TAFA1: variants seen among roughly 807,000 people sequenced by gnomAD.
The protein encoded by TAFA1 is TAFA chemokine like family member 1, also known as chemokine-like protein TAFA-1.
In TAFA1, 4 loss-of-function variants were observed where a neutral mutation model predicts 18.5. The observed-to-expected ratio is 0.22, with a 90% CI of 0.11 to 0.49. The LOEUF (loss-of-function observed/expected upper bound fraction) is 0.49, where lower values mean the gene tolerates loss of function less well. Among genes scored for constraint, TAFA1 ranks in the 20% least tolerant of loss-of-function variants. The probability of loss-of-function intolerance (pLI) is 0.98; values close to 1 mark genes in which losing one functional copy is unlikely to be tolerated. For missense variants in TAFA1, 147 were observed against 169.0 expected, an observed-to-expected ratio of 0.87 and a Z score of 0.72; for synonymous variants, 56 against 55.2, an observed-to-expected ratio of 1.01 and a Z score of -0.06.
intron 2 of TAFA1, among the ~76,000 whole-genome samples, chr3:68,288,134 G>A (rs1366694151): frequency 6.6e-6 from 1 of 152,060 alleles, no homozygotes; most frequent in Non-Finnish European, 1.5e-5. Context: ...TTTCATGGCT[G>A]AGAGTTCACG....
intron 2 of TAFA1, among the ~76,000 whole-genome samples, chr3:68,148,783 A>G (rs567692449): frequency 6.6e-6 from 1 of 152,332 alleles, no homozygotes; most frequent in African/African-American, 2.4e-5. Context: ...AAGGCACAGG[A>G]CATCCCTTTA....
chr3:68,380,957 G>A (rs968066559), intron 2 of TAFA1, among the ~76,000 whole-genome samples: 1 of 149,902 alleles, frequency 6.7e-6, no homozygotes, highest in African/African-American at 2.5e-5. Flanking sequence ...TAAGGTGTAA[G>A]GAAGGGATCC....
chr3:68,120,651 G>A (rs1254544767), intron 2 of TAFA1, among the ~76,000 whole-genome samples: 4 of 152,068 alleles, frequency 2.6e-5, no homozygotes, highest in African/African-American at 9.7e-5. Flanking sequence ...TAAAGAAAAG[G>A]GCCACATGAA....
At chr3:68,364,401 G>C (rs1225060986) in intron 2 of TAFA1, among the ~76,000 whole-genome samples, 1 of 152,086 alleles carries the variant, frequency 6.6e-6, no homozygotes, top group Admixed American at 6.5e-5. Flanking sequence ...CTTGGATACT[G>C]TGTTTGATTC....
chr3:68,246,818 T>C (rs2067090441), intron 2 of TAFA1: 1 of 152,032 alleles, frequency 6.6e-6, no homozygotes, highest in African/African-American at 2.4e-5. Context: ...TGCCAGGATT[T>C]AAGACACTTT....
chr3:68,154,057 A>G (rs1264903133), intron 2 of TAFA1, among the ~76,000 whole-genome samples: 1 of 152,164 alleles, frequency 6.6e-6, no homozygotes, highest in Non-Finnish European at 1.5e-5. Context: ...TAGTGGTTTA[A>G]TAGCAAATTA....
chr3:68,224,809 T>G (rs548509236), intron 2 of TAFA1, among the ~76,000 whole-genome samples: 1 of 151,670 alleles, frequency 6.6e-6, no homozygotes, highest in Non-Finnish European at 1.5e-5. Flanking sequence ...AGACTTTTAG[T>G]TGGGGAGGGG....
At chr3:68,239,846 T>C (rs2066974504) in intron 2 of TAFA1, among the ~76,000 whole-genome samples, 1 of 152,178 alleles carries the variant, frequency 6.6e-6, no homozygotes. Context: ...TTGACACATT[T>C]ATAGATGAGA....
chr3:68,052,702 T>C (rs1009350649), intron 2 of TAFA1, among the ~76,000 whole-genome samples: 1 of 152,236 alleles, frequency 6.6e-6, no homozygotes, highest in African/African-American at 2.4e-5. Flanking sequence ...GTTTCCATTA[T>C]GTGCCTGGCA....
At chr3:68,010,527 G>T (rs571932567) in intron 2 of TAFA1, among the ~76,000 whole-genome samples, 1 of 152,126 alleles carries the variant, frequency 6.6e-6, no homozygotes, top group South Asian at 2.1e-4. Flanking sequence ...CAATGCAGTG[G>T]GTTTGTACAC....
intron 2 of TAFA1, among the ~76,000 whole-genome samples, chr3:68,203,108 A>G (rs1322646764): frequency 6.6e-6 from 1 of 151,724 alleles, no homozygotes; most frequent in Non-Finnish European, 1.5e-5. Context: ...CAACCCTTCA[A>G]ATATTTCATT....
chr3:68,468,723 A>G (rs1472926751), intron 3 of TAFA1, among the ~76,000 whole-genome samples: 1 of 152,198 alleles, frequency 6.6e-6, no homozygotes, highest in African/African-American at 2.4e-5. Context: ...ATTACTATCA[A>G]TAGTTGAGAG....
chr3:68,308,645 C>T (rs758050235), intron 2 of TAFA1, among the ~76,000 whole-genome samples: 62 of 152,158 alleles, frequency 4.1e-4, no homozygotes, highest in African/African-American at 1.0e-3. Flanking sequence ...TCATCATCCT[C>T]CTCCTTTACA....
At chr3:68,302,631 C>G (rs1036011254) in intron 2 of TAFA1, among the ~76,000 whole-genome samples, 1 of 151,460 alleles carries the variant, frequency 6.6e-6, no homozygotes, top group Non-Finnish European at 1.5e-5. Context: ...TTGTTGTATC[C>G]TCAGCATCTA....
intron 2 of TAFA1, among the ~76,000 whole-genome samples, chr3:68,415,056 C>G (rs927891117): frequency 6.6e-6 from 1 of 152,152 alleles, no homozygotes; most frequent in Non-Finnish European, 1.5e-5. Context: ...ATGATTAGCC[C>G]TATTCCATTA....
intron 2 of TAFA1, among the ~76,000 whole-genome samples, chr3:68,024,748 G>A (rs978598374): frequency 6.6e-6 from 1 of 151,154 alleles, no homozygotes; most frequent in African/African-American, 2.4e-5. Context: ...GGCAGAATAA[G>A]GCTGAGGCAA....
At chr3:68,537,299 ATG>A (rs1473547307) in intron 3 of TAFA1, among the ~76,000 whole-genome samples, 2 of 152,186 alleles carry the variant, frequency 1.3e-5, no homozygotes, top group Admixed American at 1.3e-4. Context: ...AAATTTATTA[ATG>A]TGTACATGAG....
chr3:68,494,374 C>G (rs892462217), intron 3 of TAFA1, among the ~76,000 whole-genome samples: 3 of 152,208 alleles, frequency 2.0e-5, no homozygotes, highest in Non-Finnish European at 1.5e-5. Context: ...CAAGAACTGT[C>G]TGGTTCCTAG....
At chr3:68,384,371 G>A (rs262189) in intron 2 of TAFA1, among the ~76,000 whole-genome samples, 1 of 151,944 alleles carries the variant, frequency 6.6e-6, no homozygotes, top group East Asian at 1.9e-4. Flanking sequence ...CATGTTGTAT[G>A]TTTGTTCTCA....
Sources: allele counts gnomAD v4.1 joint callset (sites outside exome capture counted in the v4.1 genomes callset), GRCh38; gene constraint gnomAD v4.1.1; transcripts MANE v1.5; gene names NCBI Gene and HGNC (gene_info 2026-07-23, HGNC 2026-07-21).